CEMIP2: variants seen among roughly 807,000 people sequenced by gnomAD.
The protein encoded by CEMIP2 is cell migration inducing hyaluronidase 2, also known as cell surface hyaluronidase CEMIP2.
In CEMIP2, 79 loss-of-function variants were observed where a neutral mutation model predicts 146.9. The ratio of observed to expected loss-of-function variants is 0.54; its 90% confidence interval spans 0.45 to 0.65. The LOEUF is 0.65. Ranked by LOEUF, CEMIP2 falls within the 30% of genes least tolerant of loss-of-function variation. The pLI is 0.00. For synonymous variants in CEMIP2, 601 were observed against 606.3 expected (o/e 0.99, Z 0.13); for missense variants, 1,596 against 1,696.2 (o/e 0.94, Z 1.04).
In CEMIP2 at chr9:71,750,351, C is replaced by T. The variant is rs768078882; in HGVS notation, c.23G>A (p.Gly8Glu). Residue 8 changes from glycine (G) to glutamate (E), a missense_variant, in exon 2 of 24, where the codon GGA becomes GAA. Gly to Glu is a moderately conservative substitution (Grantham distance 98, BLOSUM62 -2). Coordinates refer to ENST00000377044, the MANE Select transcript of CEMIP2 (RefSeq NM_013390.3). MYATDSR[G>E]HSPAFLQPQN... The stretch of plus-strand genomic sequence containing the variant: ...AGGTTGGAGGAAAGCAGGGGAGTGT[C>T]CCCTGGAATCAGTGGCATACATGAT... The T allele has an allele frequency of 6.2e-7, 1 of 1,612,218 alleles. No homozygotes were observed.
intron 17 of CEMIP2, 132 bp from the exon 18 acceptor site, chr9:71,704,935 C>G (rs1433713023): frequency 1.3e-6 from 1 of 770,056 alleles, no homozygotes; most frequent in Non-Finnish European, 2.1e-6. Context: ...ACTAAGTGAG[C>G]AGCAGCCAAC....
Position 71,685,113 on chromosome 9 carries a change from T to C in CEMIP2, c.*84A>G. The C allele has an allele frequency of 7.4e-7, 1 of 1,348,416 alleles. No individual in the cohort carries two copies. Among genetic ancestry groups the C allele is most frequent in the Non-Finnish European group, 1.0e-6 (1 of 1,000,404 alleles). The allele number at this position is 1,348,416 out of a possible 1,614,324, so 83.5% of individuals were successfully genotyped here. ...CAAACTGGAAAATGGTTCCGTTGGG[T>C]TAACAGTGTCATTTTAAAATGCCAT... On this transcript the variant is annotated 3_prime_UTR_variant, in exon 24 of 24. Coordinates refer to ENST00000377044, the MANE Select transcript of CEMIP2 (RefSeq NM_013390.3).
rs754540969 is a variant in CEMIP2, at chr9:71,750,158, TTCTC to T, written c.212_215del (p.Arg71LysfsTer30). 1 of 1,613,850 alleles carries T rather than the reference TTCTC, an allele frequency of 6.2e-7. No homozygotes were observed. Among genetic ancestry groups the T allele is most frequent in the Non-Finnish European group, 8.5e-7 (1 of 1,180,018 alleles). On this transcript the variant is annotated frameshift_variant, in exon 2 of 24. Transcript: ENST00000377044. LOFTEE classifies it high-confidence loss of function. ...TTTTGTGTCTCTTTTGCTTTTGACT[TTCTC>T]TCTGGGCTTGCTGTTCTTCAGGTGA...
At chr9:71,750,971 T>C (rs116334753) in intron 1 of CEMIP2, among the ~76,000 whole-genome samples, 5 of 152,198 alleles carry the variant, frequency 3.3e-5, no homozygotes, top group Middle Eastern at 6.8e-3. Context: ...GGTCTCAAAC[T>C]CCGGAGCTCA....
intron 21 of CEMIP2, among the ~76,000 whole-genome samples, chr9:71,694,183 C>T (rs1416005781): frequency 3.3e-5 from 5 of 151,894 alleles, no homozygotes; most frequent in Non-Finnish European, 7.4e-5. Flanking sequence ...AGTGCAGTGG[C>T]GCGATCTCAG....
Position 71,730,183 on chromosome 9 carries a change from T to A in CEMIP2, c.1844A>T (p.Asn615Ile), listed in dbSNP as rs141387739. ...FFLEDGIEQR[N>I]TLFHNLGLLT... is the part of the protein sequence containing the mutation. ...GAGTCCCAGATTGTGGAACAAAGTA[T>A]TCCTCTGTTCAATACCATCTTCCAA... Residue 615 changes from asparagine to isoleucine, a missense_variant, in exon 9 of 24, where the codon AAT (asparagine) becomes ATT (isoleucine). Coordinates refer to ENST00000377044, the MANE Select transcript of CEMIP2 (RefSeq NM_013390.3). The A allele has an allele frequency of 3.1e-6, 5 of 1,614,070 alleles. No homozygotes were observed. In the African/African-American group the frequency reaches 6.7e-5, roughly 22 times the overall value.
At position 71,684,483 on chromosome 9, in the gene CEMIP2, T is replaced by A. The variant is rs1457395878; in HGVS notation, c.*714A>T. ...CTAAGGATTAAAGCTGCAAAAATGG[T>A]CCCAACAGCCTCAGACTTTTGCTGC... On this transcript the variant is annotated 3_prime_UTR_variant, in exon 24 of 24. Coordinates refer to ENST00000377044, the MANE Select transcript of CEMIP2 (RefSeq NM_013390.3). The A allele has an allele frequency of 1.3e-5, 2 of 152,544 alleles. No homozygotes were observed. Among genetic ancestry groups the A allele is most frequent in the Admixed American group, 1.3e-4 (2 of 15,282 alleles). The allele number at this position is 152,544 out of a possible 1,614,324, so 9.4% of individuals were successfully genotyped here. A position where few individuals can be genotyped will look rare whatever the true frequency, so the allele number is the denominator to read the frequency against.
rs539320871 is a variant in CEMIP2 at position 71,690,320 on chromosome 9, C to G, written c.3697-74G>C. 220 of 1,534,588 alleles carry G rather than the reference C, an allele frequency of 1.4e-4. 1 individual carries two copies. The South Asian group carries it at 2.5e-3, about 17-fold the overall frequency. ...CTGCAGGATGACTCATTTTTCCGGC[C>G]CTTTCCCTGTGTCTTCTAAACCCAT... On this transcript the variant is annotated intron_variant, in intron 21 of 23. Transcript: ENST00000377044.
intron 1 of CEMIP2, among the ~76,000 whole-genome samples, chr9:71,764,196 T>C (rs1234775582): frequency 6.6e-6 from 1 of 152,216 alleles, no homozygotes; most frequent in Non-Finnish European, 1.5e-5. Context: ...CAAGTAAAGC[T>C]AATGCTATTT....
At position 71,728,302 on chromosome 9, in the gene CEMIP2, C is replaced by CAT. The variant is rs1491360011; in HGVS notation, c.2049+1541_2049+1542dup. Among the ~76,000 whole-genome samples, 8 of 11,578 alleles carry CAT rather than the reference C, an allele frequency of 6.9e-4. 3 individuals carry two copies. The highest frequency in any genetic ancestry group is 2.7e-3 in the African/African-American group (8 of 2,924). 7.6% of individuals were successfully genotyped at this position (11,578 alleles called of 152,430 possible). On this transcript the variant is annotated intron_variant, in intron 10 of 23. Coordinates refer to ENST00000377044, the MANE Select transcript of CEMIP2 (RefSeq NM_013390.3). ...ATATGTATATATATATATATATATA[C>CAT]ATATATATATATATACGTATATATA...
At chr9:71,712,825 G>A (rs1022791550) in intron 15 of CEMIP2, among the ~76,000 whole-genome samples, 6 of 152,132 alleles carry the variant, frequency 3.9e-5, no homozygotes, top group African/African-American at 1.4e-4. Flanking sequence ...CCCCCTTTCT[G>A]TTCAAACACA....
At chr9:71,750,758 T>C (rs1373397301) in intron 1 of CEMIP2, among the ~76,000 whole-genome samples, 8 of 150,806 alleles carry the variant, frequency 5.3e-5, no homozygotes, top group African/African-American at 2.0e-4. Flanking sequence ...TTAATTTCTA[T>C]TTTTTAGAGA....
In CEMIP2 at chr9:71,744,929, TGCTGTG is replaced by T. The variant is rs1033759388; in HGVS notation, c.1034+83_1034+88del. ...AGTGGCCCTTCTGATGCCTGAGTCA[TGCTGTG>T]GCTGTGGCTCCTTTCCCCACCCTCA... On this transcript the variant is annotated intron_variant, in intron 4 of 23. Transcript: ENST00000377044. The T allele has an allele frequency of 1.5e-5, 21 of 1,395,102 alleles. No individual in the cohort carries two copies. The African/African-American group carries it at 1.9e-4, about 12-fold the overall frequency. 86.4% of individuals were successfully genotyped at this position (1,395,102 alleles called of 1,614,324 possible).
intron 5 of CEMIP2, among the ~76,000 whole-genome samples, chr9:71,739,361 CAAAAAAAAAAAAAAAAAAA>C (rs71353516): frequency 4.7e-5 from 2 of 42,816 alleles, no homozygotes; most frequent in Non-Finnish European, 7.4e-5. Flanking sequence ...GACTCTGTCT[CAAAAAAAAAAAAAAAAAAA>C]AAAAAAAAAA....
At chr9:71,726,936 G>C (rs542193710) in intron 10 of CEMIP2, among the ~76,000 whole-genome samples, 2 of 152,170 alleles carry the variant, frequency 1.3e-5, no homozygotes, top group African/African-American at 4.8e-5. Flanking sequence ...ACGGGGATAA[G>C]GGGAGTAGCA....
At chr9:71,746,983 A>G (rs1050342738) in intron 2 of CEMIP2, among the ~76,000 whole-genome samples, 4 of 152,238 alleles carry the variant, frequency 2.6e-5, no homozygotes, top group Non-Finnish European at 5.9e-5. Flanking sequence ...TAGCAAGCTG[A>G]GTGATACGCA....
intron 4 of CEMIP2, among the ~76,000 whole-genome samples, chr9:71,741,863 C>T (rs978056872): frequency 3.3e-5 from 5 of 151,788 alleles, no homozygotes; most frequent in Non-Finnish European, 7.4e-5. Context: ...CCAAGCTGGT[C>T]TCGCACTCCT....
intron 21 of CEMIP2, among the ~76,000 whole-genome samples, chr9:71,694,091 T>C (rs1336809521): frequency 1.4e-5 from 2 of 145,918 alleles, no homozygotes; most frequent in Non-Finnish European, 3.0e-5. Context: ...TAAATTTCTG[T>C]TGTTTATTTT....
chr9:71,752,251 G>A (rs1054332685), intron 1 of CEMIP2, among the ~76,000 whole-genome samples: 1 of 151,522 alleles, frequency 6.6e-6, no homozygotes, highest in Admixed American at 6.6e-5. Context: ...AATGAGCTTT[G>A]CAAGGGTGCT....
Sources: gnomAD v4.1 joint callset for allele counts (sites outside exome capture counted in the v4.1 genomes callset) on GRCh38, gnomAD v4.1.1 for gene constraint, MANE v1.5 for transcripts, NCBI Gene and HGNC (gene_info 2026-07-23, HGNC 2026-07-21) for gene names.